Variants in SCN9A observed in about 807,000 individuals in gnomAD.
The protein encoded by SCN9A is sodium voltage-gated channel alpha subunit 9.
A neutral mutation model predicts 187.0 loss-of-function variants in SCN9A; 131 were observed. The observed-to-expected ratio is 0.70, with a 90% CI of 0.61 to 0.81. The LOEUF (loss-of-function observed/expected upper bound fraction) is 0.81, where lower values mean the gene tolerates loss of function less well. Among genes scored for constraint, SCN9A ranks in the 30% least tolerant of loss-of-function variants. SCN9A has a pLI of 0.00. For missense variants in SCN9A, 2,252 were observed against 2,396.6 expected (o/e 0.94, Z 1.26); for synonymous variants, 809 against 808.6 (o/e 1.00, Z -0.01).
At chr2:166,282,402 A>T (rs565228371) in intron 12 of SCN9A, among the ~76,000 whole-genome samples, 16 of 152,218 alleles carry the variant, frequency 1.1e-4, no homozygotes, top group Admixed American at 4.6e-4. Context: ...TGCAAGCTAC[A>T]TCTGAAAGAG....
chr2:166,202,463 C>T (rs1035364837), intron 26 of SCN9A, among the ~76,000 whole-genome samples: 4 of 151,740 alleles, frequency 2.6e-5, no homozygotes, highest in African/African-American at 9.7e-5. Flanking sequence ...TAAGCCACCT[C>T]TTGTCACCCT....
intron 18 of SCN9A, 126 bp downstream of exon 18, chr2:166,251,639 A>G (rs1696041232): frequency 6.2e-6 from 6 of 973,490 alleles, no homozygotes; most frequent in African/African-American, 4.8e-5. Context: ...TCATACAGCT[A>G]TAGCTGAATC....
At chr2:166,241,271 C>T (rs115901831) in intron 19 of SCN9A, among the ~76,000 whole-genome samples, 3,118 of 152,122 alleles carry the variant, frequency 0.02, 121 homozygotes, top group African/African-American at 0.072. Flanking sequence ...CTTCTAATGG[C>T]TCATCTCTGT....
At chr2:166,274,094 A>G (rs1399612118) in intron 16 of SCN9A, among the ~76,000 whole-genome samples, 1 of 152,006 alleles carries the variant, frequency 6.6e-6, no homozygotes, top group Non-Finnish European at 1.5e-5. Context: ...AATATTGGTG[A>G]AGATCTGAGG....
intron 24 of SCN9A, among the ~76,000 whole-genome samples, chr2:166,217,235 GA>G (rs555460639): frequency 1.6e-3 from 242 of 152,024 alleles, no homozygotes; most frequent in African/African-American, 5.6e-3. Flanking sequence ...TTAAATATAA[GA>G]AATGAAACTA....
intron 1 of SCN9A, among the ~76,000 whole-genome samples, chr2:166,363,862 A>C (rs997217528): frequency 6.6e-6 from 1 of 152,084 alleles, no homozygotes. Flanking sequence ...GTCAAAATTG[A>C]AACTGTTGTG....
intron 1 of SCN9A, among the ~76,000 whole-genome samples, chr2:166,353,972 A>G (rs1285216785): frequency 2.0e-5 from 3 of 152,200 alleles, no homozygotes; most frequent in African/African-American, 7.2e-5. Flanking sequence ...TAACCCAAGC[A>G]CTTGAAGAAG....
chr2:166,249,539 C>T (rs1404374311), intron 18 of SCN9A, among the ~76,000 whole-genome samples: 1 of 152,110 alleles, frequency 6.6e-6, no homozygotes, highest in Non-Finnish European at 1.5e-5. Flanking sequence ...GGATGTGACT[C>T]AGAGATATAT....
chr2:166,290,352 A>G (rs773091901), intron 9 of SCN9A, among the ~76,000 whole-genome samples: 5 of 152,128 alleles, frequency 3.3e-5, no homozygotes, highest in Non-Finnish European at 5.9e-5. Context: ...TCTCTTTGCT[A>G]TTGTAAATAG....
In SCN9A at chr2:166,204,237, TAAG is replaced by T; in HGVS notation, c.4504-15_4504-13del. 1.2e-6 allele frequency: 2 copies of T among 1,605,286 alleles called. No homozygotes were observed. Among genetic ancestry groups the T allele is most frequent in the Non-Finnish European group, 1.7e-6 (2 of 1,175,670 alleles). On this transcript the variant is annotated splice_polypyrimidine_tract_variant and intron_variant, in intron 25 of 26. Coordinates refer to ENST00000642356, the MANE Select transcript of SCN9A (RefSeq NM_001365536.1). ...CCTTGGATTTTGTTCTGCAAAGAAA[TAAG>T]AATAATATCGAATGCAGAGTAAACT...
At chr2:166,214,955 A>G (rs1694267757) in intron 24 of SCN9A, among the ~76,000 whole-genome samples, 1 of 152,136 alleles carries the variant, frequency 6.6e-6, no homozygotes, top group South Asian at 2.1e-4. Context: ...AATAGATCTA[A>G]CAGATATTTA....
intron 1 of SCN9A, among the ~76,000 whole-genome samples, chr2:166,337,231 C>G (rs536089884): frequency 7.2e-5 from 11 of 152,074 alleles, no homozygotes; most frequent in Non-Finnish European, 1.6e-4. Flanking sequence ...TTTCAGGTAT[C>G]TGACTTGGCC....
chr2:166,328,683 GAAT>G (rs1481083256), intron 1 of SCN9A, among the ~76,000 whole-genome samples: 1 of 151,950 alleles, frequency 6.6e-6, no homozygotes, highest in Non-Finnish European at 1.5e-5. Context: ...AAGAAATGAA[GAAT>G]ATTAGAATAG....
At chr2:166,224,151 A>G (rs796158961) in intron 24 of SCN9A, among the ~76,000 whole-genome samples, 3 of 152,272 alleles carry the variant, frequency 2.0e-5, no homozygotes, top group African/African-American at 7.2e-5. Flanking sequence ...TTATGCTCAT[A>G]CTGCTCTTTC....
chr2:166,263,177 A>G (rs2106444351), intron 17 of SCN9A, among the ~76,000 whole-genome samples: 1 of 152,120 alleles, frequency 6.6e-6, no homozygotes, highest in East Asian at 1.9e-4. Context: ...GAGGGTTGTC[A>G]CAGCATCAGA....
At chr2:166,270,448 A>G (rs755300762) in intron 17 of SCN9A, among the ~76,000 whole-genome samples, 1 of 151,928 alleles carries the variant, frequency 6.6e-6, no homozygotes, top group Non-Finnish European at 1.5e-5. Flanking sequence ...GCCCATAGAT[A>G]TCGAGGGATG....
chr2:166,242,373 T>A lies in SCN9A; in HGVS notation c.3627+129A>T, dbSNP rs189340005. ...ACTATTTACTGAGCTCAAGTAAAATTTTGTCATTGGCACTAATCATAGGGA... is the reference window on the plus strand; with the variant it reads ...ACTATTTACTGAGCTCAAGTAAAATATTGTCATTGGCACTAATCATAGGGA... On this transcript the variant is annotated intron_variant, in intron 19 of 26. Transcript: ENST00000642356. 5.3e-4 allele frequency: 387 copies of A among 730,474 alleles called. 1 individual carries two copies. In the African/African-American group the frequency reaches 6.3e-3, roughly 12 times the overall value. 45.2% of individuals were successfully genotyped at this position (730,474 alleles called of 1,614,324 possible). A position where few individuals can be genotyped will look rare whatever the true frequency, so the allele number is the denominator to read the frequency against.
intron 1 of SCN9A, among the ~76,000 whole-genome samples, chr2:166,365,820 G>C (rs905004439): frequency 1.3e-5 from 2 of 152,098 alleles, no homozygotes; most frequent in African/African-American, 4.8e-5. Flanking sequence ...ATGATGGATA[G>C]TGGCGAATAT....
At chr2:166,217,869 A>G (rs145795434) in intron 24 of SCN9A, among the ~76,000 whole-genome samples, 3 of 152,232 alleles carry the variant, frequency 2.0e-5, no homozygotes, top group Non-Finnish European at 2.9e-5. Flanking sequence ...ATATAGTGGT[A>G]TATATTTAAT....
Sources: gnomAD v4.1 joint callset for allele counts (sites outside exome capture counted in the v4.1 genomes callset) on GRCh38, gnomAD v4.1.1 for gene constraint, MANE v1.5 for transcripts, NCBI Gene and HGNC (gene_info 2026-07-23, HGNC 2026-07-21) for gene names.